The following WWOX variants were observed in gnomAD, a reference collection of about 807,000 sequenced individuals.
The protein encoded by WWOX is WW domain-containing oxidoreductase.
Under a neutral mutation model 46.2 loss-of-function variants are expected in WWOX, and 69 were observed. The observed-to-expected ratio is 1.49, with a 90% CI of 1.23 to 1.82. The LOEUF is 1.82. Ranked by LOEUF, WWOX falls within the 40% of genes most tolerant of loss-of-function variation. The pLI is 0.00. For synonymous variants in WWOX, 359 were observed against 202.6 expected (o/e 1.77, Z -6.56); for missense variants, 919 against 542.6 (o/e 1.69, Z -6.89).
chr16:78,128,913 A>G (rs764224531), intron 4 of WWOX, among the ~76,000 whole-genome samples: 3 of 152,268 alleles, frequency 2.0e-5, no homozygotes, highest in Non-Finnish European at 4.4e-5. Context: ...TCCAAATGGC[A>G]TTAAAAATGC....
chr16:78,922,596 C>T (rs1045314715), intron 8 of WWOX, among the ~76,000 whole-genome samples: 3 of 152,124 alleles, frequency 2.0e-5, no homozygotes, highest in Non-Finnish European at 1.5e-5. Context: ...CCAGGCTGCT[C>T]TCGAGCTCCT....
chr16:78,396,852 G>T (rs1039492961), intron 6 of WWOX, among the ~76,000 whole-genome samples: 19 of 152,226 alleles, frequency 1.2e-4, no homozygotes, highest in Admixed American at 1.2e-3. Flanking sequence ...ATAACTGGGT[G>T]TGGCTGTGTC....
At chr16:78,880,875 A>T (rs75708108) in intron 8 of WWOX, among the ~76,000 whole-genome samples, 1 of 151,862 alleles carries the variant, frequency 6.6e-6, no homozygotes, top group Non-Finnish European at 1.5e-5. Flanking sequence ...CTTCTTGTCT[A>T]TGATATCAGA....
chr16:78,806,840 T>C (rs561215522), intron 8 of WWOX, among the ~76,000 whole-genome samples: 2 of 152,282 alleles, frequency 1.3e-5, no homozygotes, highest in South Asian at 4.1e-4. Flanking sequence ...TGGCCACTTT[T>C]GAAAGATGCA....
intron 8 of WWOX, among the ~76,000 whole-genome samples, chr16:78,452,402 G>A (rs555155402): frequency 2.0e-5 from 3 of 151,304 alleles, no homozygotes; most frequent in Non-Finnish European, 4.4e-5. Flanking sequence ...ATATGTTTGT[G>A]TGTGTATGCA....
chr16:78,789,864 A>G (rs900141141), intron 8 of WWOX, among the ~76,000 whole-genome samples: 2 of 152,148 alleles, frequency 1.3e-5, no homozygotes, highest in Non-Finnish European at 2.9e-5. Flanking sequence ...ATATGGCAGC[A>G]TGGTTAGGAT....
At chr16:78,605,933 G>A (rs1313748707) in intron 8 of WWOX, among the ~76,000 whole-genome samples, 4 of 152,196 alleles carry the variant, frequency 2.6e-5, no homozygotes, top group Admixed American at 6.5e-5. Context: ...GCTGAAACAT[G>A]CGCATTTGTA....
At chr16:78,283,430 T>C (rs2079714764) in intron 5 of WWOX, among the ~76,000 whole-genome samples, 1 of 152,208 alleles carries the variant, frequency 6.6e-6, no homozygotes, top group Admixed American at 6.5e-5. Flanking sequence ...TGGAGTCATT[T>C]TCAAATAACT....
At chr16:78,556,103 T>C (rs1436165978) in intron 8 of WWOX, among the ~76,000 whole-genome samples, 1 of 152,062 alleles carries the variant, frequency 6.6e-6, no homozygotes, top group African/African-American at 2.4e-5. Context: ...CATAGGTACC[T>C]AGAGGGTCAA....
At chr16:78,568,263 G>C (rs189983778) in intron 8 of WWOX, among the ~76,000 whole-genome samples, 1 of 151,820 alleles carries the variant, frequency 6.6e-6, no homozygotes, top group Non-Finnish European at 1.5e-5. Flanking sequence ...TATGAGGTAC[G>C]GGATGAAGAT....
intron 8 of WWOX, among the ~76,000 whole-genome samples, chr16:79,004,925 A>G (rs13338273): frequency 0.28 from 42,995 of 152,014 alleles, 6,279 homozygotes; most frequent in Middle Eastern, 0.4. Context: ...GCCTTTATGC[A>G]TTTAGAGCTC....
intron 4 of WWOX, chr16:78,123,878 G>T (rs1044563493): frequency 6.6e-6 from 1 of 152,060 alleles, no homozygotes; most frequent in Non-Finnish European, 1.5e-5. Context: ...AGAAGAAAAC[G>T]TGTCCTTTTG....
chr16:78,555,899 A>T (rs2044282820), intron 8 of WWOX, among the ~76,000 whole-genome samples: 2 of 152,166 alleles, frequency 1.3e-5, no homozygotes, highest in South Asian at 4.1e-4. Context: ...TCCGATTCTT[A>T]AAAGTGTCTA....
At chr16:79,122,797 A>G (rs16949559) in intron 8 of WWOX, among the ~76,000 whole-genome samples, 40,848 of 152,092 alleles carry the variant, frequency 0.27, 5,791 homozygotes, top group East Asian at 0.46. Flanking sequence ...TACCTTGCCC[A>G]TTTTTGCCTT....
chr16:78,184,164 C>T (rs984760232), intron 5 of WWOX, among the ~76,000 whole-genome samples: 1 of 152,172 alleles, frequency 6.6e-6, no homozygotes, highest in Non-Finnish European at 1.5e-5. Context: ...ATGCTCGGTG[C>T]TTCTCTGTAG....
Position 79,016,280 on chromosome 16 carries a change from C to G in WWOX, c.1057-195328C>G, listed in dbSNP as rs1315523640. ...CCTCTCCTTTGGAATGAAACTGCTGCTTAACTTTTCTCCCACTGATGAGAT... is the reference window on the plus strand; with the variant it reads ...CCTCTCCTTTGGAATGAAACTGCTGGTTAACTTTTCTCCCACTGATGAGAT... On this transcript the variant is annotated intron_variant, in intron 8 of 8. Transcript: ENST00000566780. The G allele has an allele frequency of 2.0e-5, 3 of 152,238 alleles. No homozygotes were observed. In the East Asian group the frequency reaches 5.8e-4, roughly 29 times the overall value. The allele number at this position is 152,238 out of a possible 1,614,324, so 9.4% of individuals were successfully genotyped here.
chr16:79,129,094 G>A (rs1455213084), intron 8 of WWOX, among the ~76,000 whole-genome samples: 1 of 152,116 alleles, frequency 6.6e-6, no homozygotes, highest in Admixed American at 6.6e-5. Context: ...TATGGATCTT[G>A]ATAGGAATGC....
chr16:79,187,721 T>C (rs1296577421), intron 8 of WWOX, among the ~76,000 whole-genome samples: 3 of 152,222 alleles, frequency 2.0e-5, no homozygotes, highest in African/African-American at 7.2e-5. Context: ...TTTGTATTTT[T>C]AGTAGAGATG....
At chr16:78,962,297 G>C (rs894628714) in intron 8 of WWOX, among the ~76,000 whole-genome samples, 2 of 77,630 alleles carry the variant, frequency 2.6e-5, no homozygotes, top group African/African-American at 5.5e-5. Context: ...AGTCAGCAAG[G>C]CATCCTTTTT....
Sources: gnomAD v4.1 joint callset for allele counts (sites outside exome capture counted in the v4.1 genomes callset) on GRCh38, gnomAD v4.1.1 for gene constraint, MANE v1.5 for transcripts, NCBI Gene and HGNC (gene_info 2026-07-23, HGNC 2026-07-21) for gene names.